The following ADD1 variants were observed in gnomAD, a reference collection of about 807,000 sequenced individuals.
ADD1 encodes alpha-adducin.
A neutral mutation model predicts 80.5 loss-of-function variants in ADD1; 24 were observed. The ratio of observed to expected loss-of-function variants is 0.30; its 90% CI spans 0.22 to 0.42. ADD1 has a LOEUF of 0.42. ADD1 is among the 10% of genes least tolerant of loss of function. The probability of loss-of-function intolerance (pLI) is 1.00; values close to 1 mark genes in which losing one functional copy is unlikely to be tolerated. For missense variants in ADD1, 948 were observed against 1,019.0 expected (o/e 0.93, Z 0.95); for synonymous variants, 373 against 393.8 (o/e 0.95, Z 0.63).
chr4:2,865,763 T>C (rs1421160140), intron 1 of ADD1, among the ~76,000 whole-genome samples: 1 of 152,050 alleles, frequency 6.6e-6, no homozygotes, highest in African/African-American at 2.4e-5. Flanking sequence ...AGAAAAAAAA[T>C]TTTGTTTCAA....
In ADD1 at chr4:2,926,034, G is replaced by C; in HGVS notation, c.1969G>C (p.Glu657Gln). ...TGCAGAGAATCTGGACGAGGCTAGA[G>C]AACAGAAAGAAAAGAGTCCTCCAGA... ...GSEENLDEAR[E>Q]QKEKSPPDQP... is the part of the protein sequence containing the mutation. Residue 657 changes from glutamate to glutamine, a missense_variant, in exon 15 of 16, where the codon GAA becomes CAA. Transcript: ENST00000683351. This position sits in a 1 kb window ranked among gnomAD's most constrained non-coding sequence, Gnocchi z 5.0. The C allele has an allele frequency of 1.2e-6, 2 of 1,614,100 alleles. No homozygotes were observed. The highest frequency in any genetic ancestry group is 1.7e-6 in the Non-Finnish European group (2 of 1,179,996).
intron 12 of ADD1, chr4:2,909,062 C>A: frequency 6.0e-6 from 3 of 503,890 alleles, no homozygotes; most frequent in Non-Finnish European, 1.1e-5. Flanking sequence ...TACCTTGTGG[C>A]ACATTGAAGA....
intron 2 of ADD1, among the ~76,000 whole-genome samples, chr4:2,879,554 T>C (rs554232596): frequency 2.4e-3 from 372 of 152,300 alleles, no homozygotes; most frequent in Admixed American, 5.0e-3. Flanking sequence ...GCTTGTTTAA[T>C]TTAGCTTTTG....
rs16843521 is a variant in ADD1 at position 2,876,212 on chromosome 4, T to C, written c.195+102T>C. ...TGAGTGGCATAGTTCATTGATCTTA[T>C]CACAGGAAATCAGTGCCTTGAGTAT... On this transcript the variant is annotated intron_variant, in intron 2 of 15. Transcript: ENST00000683351. 1.0e-3 allele frequency: 1,150 copies of C among 1,144,402 alleles called. 6 individuals carry two copies. The highest frequency in any genetic ancestry group is 3.2e-3 in the Admixed American group (112 of 35,034). The allele number at this position is 1,144,402 out of a possible 1,614,324, so 70.9% of individuals were successfully genotyped here.
intron 1 of ADD1, among the ~76,000 whole-genome samples, chr4:2,866,590 T>C (rs1729592893): frequency 6.6e-6 from 1 of 152,194 alleles, no homozygotes; most frequent in Non-Finnish European, 1.5e-5. Flanking sequence ...CAAATATTTA[T>C]TGAGGCCTGT....
Position 2,881,899 on chromosome 4 carries a change from C to G in ADD1, c.197C>G (p.Ala66Gly), listed in dbSNP as rs777977683. Residue 66 changes from alanine to glycine, a missense_variant and splice_region_variant, in exon 3 of 16, where the codon GCT becomes GGT. By Grantham distance (60) the Ala-to-Gly change is moderately conservative (BLOSUM62 0). Transcript: ENST00000683351. Reference sequence around the variant, plus strand: ...CAGTGTTTTAATATTTTTTATTAGGCTTTCTGTGAAGAATTGGAATCAATG... The same window carrying G: ...CAGTGTTTTAATATTTTTTATTAGGGTTTCTGTGAAGAATTGGAATCAATG... ...KRVSMILQSP[A>G]FCEELESMIQ... 1.4e-5 allele frequency: 23 copies of G among 1,589,684 alleles called. No homozygotes were observed. Among genetic ancestry groups the G allele is most frequent in the Admixed American group, 5.6e-5 (3 of 53,142 alleles).
At chr4:2,924,529 G>A (rs572997750) in intron 14 of ADD1, among the ~76,000 whole-genome samples, 3 of 152,310 alleles carry the variant, frequency 2.0e-5, no homozygotes. Flanking sequence ...AGCCTTGCTG[G>A]AGCCACCTTG....
chr4:2,888,688 G>A (rs1733807954), intron 4 of ADD1, among the ~76,000 whole-genome samples: 1 of 152,042 alleles, frequency 6.6e-6, no homozygotes, highest in Non-Finnish European at 1.5e-5. Flanking sequence ...AAAGTGCTAG[G>A]GTTATAGGTG....
chr4:2,880,083 A>G (rs1731992470), intron 2 of ADD1, among the ~76,000 whole-genome samples: 1 of 152,178 alleles, frequency 6.6e-6, no homozygotes, highest in South Asian at 2.1e-4. Flanking sequence ...AGATGGCTAA[A>G]TAATCACCAT....
At chr4:2,915,755 C>T (rs1475819439) in intron 14 of ADD1, among the ~76,000 whole-genome samples, 2 of 152,104 alleles carry the variant, frequency 1.3e-5, no homozygotes, top group Admixed American at 6.5e-5. Context: ...ACCCGGGGGG[C>T]GGAGGTTGCG....
Position 2,896,872 on chromosome 4 carries a change from C to T in ADD1, c.742-1312C>T, listed in dbSNP as rs146067384. ...CTCCTGGGTTCAAACGATTCTCCCA[C>T]CTCAGCCTCCTGAGTAGGTGGGACT... On this transcript the variant is annotated intron_variant, in intron 6 of 15. Transcript: ENST00000683351. Among the ~76,000 whole-genome samples the T allele has an allele frequency of 1.1e-3, 167 of 152,236 alleles. 1 individual carries two copies. Among genetic ancestry groups the T allele is most frequent in the Admixed American group, 3.6e-3 (55 of 15,296 alleles).
chr4:2,868,839 G>A lies in ADD1; in HGVS notation c.-20-7057G>A, dbSNP rs574114595. ...GGAGTCCAGGTGCCAGGCTTGGGGC[G>A]TGGGGAACCTTCATAGAGCGGGAAG... On this transcript the variant is annotated intron_variant, in intron 1 of 15. Coordinates refer to ENST00000683351, the MANE Select transcript of ADD1 (RefSeq NM_001354761.2). 7.9e-5 allele frequency among the ~76,000 whole-genome samples: 12 copies of A among 152,198 alleles called. No individual in the cohort carries two copies. In the South Asian group the frequency reaches 1.0e-3, roughly 13 times the overall value.
At chr4:2,899,716 C>T (rs1331737152) in intron 9 of ADD1, 2 of 447,622 alleles carry the variant, frequency 4.5e-6, no homozygotes, top group East Asian at 9.6e-5. Flanking sequence ...GGATGACCAG[C>T]TGTGTCAGCT....
At chr4:2,858,445 C>T (rs960339081) in intron 1 of ADD1, among the ~76,000 whole-genome samples, 3 of 152,186 alleles carry the variant, frequency 2.0e-5, no homozygotes, top group African/African-American at 4.8e-5. Flanking sequence ...GTTTAGTGAA[C>T]TGGGATCAGA....
intron 10 of ADD1, among the ~76,000 whole-genome samples, chr4:2,906,100 C>T (rs1737009597): frequency 6.6e-6 from 1 of 152,208 alleles, no homozygotes; most frequent in African/African-American, 2.4e-5. Context: ...TTCTTTTCCC[C>T]TTGTAACAGT....
chr4:2,892,661 C>T (rs1734492330), intron 4 of ADD1, among the ~76,000 whole-genome samples: 1 of 151,986 alleles, frequency 6.6e-6, no homozygotes, highest in South Asian at 2.1e-4. Flanking sequence ...GAGACCCCAT[C>T]TCTACCAAAA....
Position 2,909,403 on chromosome 4 carries a change from G to T in ADD1, c.1763G>T (p.Ser588Ile). 6.5e-7 allele frequency: 1 copy of T among 1,550,346 alleles called. No individual in the cohort carries two copies. Among genetic ancestry groups the T allele is most frequent in the Non-Finnish European group, 8.7e-7 (1 of 1,146,868 alleles). The change falls in exon 13 of 16, where the codon AGT (serine) becomes ATT (isoleucine). Residue 588 changes from serine to isoleucine, a missense_variant. Coordinates refer to ENST00000683351, the MANE Select transcript of ADD1 (RefSeq NM_001354761.2). ...CTCGAGCTTACAGAGCAGACCTTTA[G>T]TCCCGCTAAATCTCTCTCTTTTAGA... ...EGLELTEQTFSPAKSLSFRKG... is the reference protein window; with the variant it reads ...EGLELTEQTFIPAKSLSFRKG...
intron 1 of ADD1, among the ~76,000 whole-genome samples, chr4:2,873,494 G>C (rs1425552830): frequency 6.6e-6 from 1 of 152,138 alleles, no homozygotes; most frequent in Non-Finnish European, 1.5e-5. Flanking sequence ...GTATATACCT[G>C]GCCTGCAGTG....
At chr4:2,890,900 A>G (rs1430201363) in intron 4 of ADD1, among the ~76,000 whole-genome samples, 1 of 152,140 alleles carries the variant, frequency 6.6e-6, no homozygotes, top group Admixed American at 6.5e-5. Flanking sequence ...CTTCATTCCA[A>G]CCAGTATATA....
Sources: gnomAD v4.1 joint callset for allele counts (sites outside exome capture counted in the v4.1 genomes callset) on GRCh38, gnomAD v4.1.1 for gene constraint, Gnocchi (gnomAD v3.1) non-coding constraint, MANE v1.5 for transcripts, NCBI Gene and HGNC (gene_info 2026-07-23, HGNC 2026-07-21) for gene names.